The following NR2F1-AS1 variants were observed in gnomAD, a reference collection of about 807,000 sequenced individuals.
NR2F1-AS1 encodes the protein NR2F1 regulatory antisense RNA 1.
intron 4 of NR2F1-AS1, among the ~76,000 whole-genome samples, chr5:93,536,387 A>G (rs189691477): frequency 1.0e-3 from 157 of 152,328 alleles, no homozygotes; most frequent in Admixed American, 1.6e-3. Context: ...GTTTAATGCA[A>G]TACCTGTCAA....
In NR2F1-AS1 at chr5:93,447,790, C is replaced by A. The variant is rs1266214635; in HGVS notation, n.639-52248G>T. On this transcript the variant is annotated intron_variant and non_coding_transcript_variant, in intron 4 of 5. Transcript: ENST00000660523. ...TATTCACAATAGCAAAGACTTGGAG[C>A]CAACCCAAATGTCCATCAATGATAG... Among the ~76,000 whole-genome samples, 3 of 152,106 alleles carry A rather than the reference C, an allele frequency of 2.0e-5. No homozygotes were observed. The East Asian group carries it at 5.8e-4, about 29-fold the overall frequency.
intron 4 of NR2F1-AS1, among the ~76,000 whole-genome samples, chr5:93,497,927 A>G (rs956389791): frequency 6.6e-6 from 1 of 152,214 alleles, no homozygotes; most frequent in African/African-American, 2.4e-5. Context: ...TTGCCAATCA[A>G]TGCACAGCTT....
chr5:93,476,874 G>A (rs1301148377), intron 4 of NR2F1-AS1, among the ~76,000 whole-genome samples: 3 of 151,998 alleles, frequency 2.0e-5, no homozygotes, highest in East Asian at 3.9e-4. Context: ...TTTGCTAAAT[G>A]AAAACAAAGA....
rs550128965 is a variant in NR2F1-AS1 at position 93,466,916 on chromosome 5, G to T, written n.639-71374C>A. On this transcript the variant is annotated intron_variant and non_coding_transcript_variant, in intron 4 of 5. Transcript: ENST00000660523. ...AATATCCCTTTTTTGGGGGGGGGGGGGGTGGACGGAGTCTCACTGTGGTGC... is the reference window on the plus strand; with the variant it reads ...AATATCCCTTTTTTGGGGGGGGGGGTGGTGGACGGAGTCTCACTGTGGTGC... 2.3e-3 allele frequency among the ~76,000 whole-genome samples: 288 copies of T among 123,096 alleles called. 30 individuals are homozygous for T. The highest frequency in any genetic ancestry group is 7.6e-3 in the African/African-American group (268 of 35,434). The allele number at this position is 123,096 out of a possible 152,430, so 80.8% of individuals were successfully genotyped here. A position where few individuals can be genotyped will look rare whatever the true frequency, so the allele number is the denominator to read the frequency against.
upstream of NR2F1-AS1, chr5:93,584,832 C>T: frequency 6.4e-6 from 1 of 156,178 alleles, no homozygotes; most frequent in Non-Finnish European, 1.4e-5. Context: ...GCGGCGGCAG[C>T]GGCGGCGGCG....
At chr5:93,445,582 C>T (rs1749682947) in intron 4 of NR2F1-AS1, among the ~76,000 whole-genome samples, 1 of 151,834 alleles carries the variant, frequency 6.6e-6, no homozygotes, top group Non-Finnish European at 1.5e-5. Context: ...AAAAAAAATC[C>T]AAGACCAGAC....
chr5:93,522,226 G>T (rs1333399511), intron 4 of NR2F1-AS1, among the ~76,000 whole-genome samples: 2 of 152,128 alleles, frequency 1.3e-5, no homozygotes, highest in African/African-American at 4.8e-5. Context: ...TGGGAGGAGT[G>T]AGAGAGGCAG....
chr5:93,570,072 A>G (rs1009190392), intron 1 of NR2F1-AS1: 1 of 152,192 alleles, frequency 6.6e-6, no homozygotes, highest in Non-Finnish European at 1.5e-5. Context: ...AGAGATTACA[A>G]AACAATCTCT....
chr5:93,489,514 T>A (rs1375361037), intron 4 of NR2F1-AS1, among the ~76,000 whole-genome samples: 1 of 152,160 alleles, frequency 6.6e-6, no homozygotes, highest in African/African-American at 2.4e-5. Flanking sequence ...AATCTAAAAA[T>A]GTAAGTGACT....
intron 4 of NR2F1-AS1, among the ~76,000 whole-genome samples, chr5:93,442,851 G>A (rs1002603275): frequency 6.6e-6 from 1 of 152,192 alleles, no homozygotes; most frequent in African/African-American, 2.4e-5. Context: ...GCTTCCAGAG[G>A]AAGGATCAGG....
At chr5:93,501,881 A>C (rs1751088099) in intron 4 of NR2F1-AS1, among the ~76,000 whole-genome samples, 1 of 152,170 alleles carries the variant, frequency 6.6e-6, no homozygotes, top group Non-Finnish European at 1.5e-5. Context: ...TGAAAGACAG[A>C]GTCAATCGAT....
chr5:93,428,775 A>T (rs980994916), intron 4 of NR2F1-AS1, among the ~76,000 whole-genome samples: 1 of 152,152 alleles, frequency 6.6e-6, no homozygotes, highest in African/African-American at 2.4e-5. Flanking sequence ...AAAATTTTAA[A>T]CCCTATACTT....
intron 4 of NR2F1-AS1, among the ~76,000 whole-genome samples, chr5:93,497,492 T>C (rs1214026521): frequency 6.6e-6 from 1 of 152,206 alleles, no homozygotes; most frequent in Admixed American, 6.6e-5. Context: ...GGTCCTACTT[T>C]GGTAAATTCA....
intron 4 of NR2F1-AS1, among the ~76,000 whole-genome samples, chr5:93,445,604 C>T (rs1205809060): frequency 6.6e-6 from 1 of 152,052 alleles, no homozygotes; most frequent in Admixed American, 6.5e-5. Flanking sequence ...GATTCACAGC[C>T]GAATTCTACC....
intron 4 of NR2F1-AS1, among the ~76,000 whole-genome samples, chr5:93,502,182 C>A (rs1751094342): frequency 6.6e-6 from 1 of 151,930 alleles, no homozygotes; most frequent in African/African-American, 2.4e-5. Context: ...ACTGGGAAAC[C>A]AAAAAATGTG....
At chr5:93,491,791 C>T (rs867946396) in intron 4 of NR2F1-AS1, among the ~76,000 whole-genome samples, 3 of 152,202 alleles carry the variant, frequency 2.0e-5, no homozygotes, top group Non-Finnish European at 2.9e-5. Context: ...GTAGCCTCCC[C>T]AGTTCTCAGG....
chr5:93,504,189 A>G (rs976971526), intron 4 of NR2F1-AS1, among the ~76,000 whole-genome samples: 2 of 152,244 alleles, frequency 1.3e-5, no homozygotes, highest in Non-Finnish European at 2.9e-5. Context: ...AATTCAAAAA[A>G]AGTTAAATAA....
chr5:93,523,085 A>G (rs763175062), intron 4 of NR2F1-AS1, among the ~76,000 whole-genome samples: 7 of 152,148 alleles, frequency 4.6e-5, no homozygotes, highest in Admixed American at 2.0e-4. Context: ...CCAGCAAGCT[A>G]AGATCTACTG....
chr5:93,577,966 T>A (rs1752933025), intron 1 of NR2F1-AS1, among the ~76,000 whole-genome samples: 1 of 152,142 alleles, frequency 6.6e-6, no homozygotes, highest in African/African-American at 2.4e-5. Flanking sequence ...TGAACTAGAT[T>A]TAGAAAATGT....
Sources: allele counts gnomAD v4.1 joint callset (sites outside exome capture counted in the v4.1 genomes callset), GRCh38; gene constraint gnomAD v4.1.1; transcripts MANE v1.5; gene names NCBI Gene and HGNC (gene_info 2026-07-23, HGNC 2026-07-21).